Variants in CDH13 observed in about 807,000 individuals in gnomAD.
CDH13 encodes the protein cadherin-13.
A neutral mutation model predicts 63.8 loss-of-function variants in CDH13; 24 were observed. The ratio of observed to expected loss-of-function variants is 0.38; its 90% confidence interval spans 0.27 to 0.53. CDH13 has a LOEUF of 0.53. Ranked by LOEUF, CDH13 falls within the 20% of genes least tolerant of loss-of-function variation. CDH13 has a pLI of 0.85. For synonymous variants in CDH13, 503 were observed against 355.3 expected, an observed-to-expected ratio of 1.42 and a Z score of -4.67; for missense variants, 1,049 against 903.1, an observed-to-expected ratio of 1.16 and a Z score of -2.07.
intron 6 of CDH13, among the ~76,000 whole-genome samples, chr16:83,464,178 G>A (rs1398039270): frequency 2.0e-5 from 3 of 152,024 alleles, no homozygotes; most frequent in Non-Finnish European, 2.9e-5. Flanking sequence ...GGTTCAGGCA[G>A]TCTCTTGAGT....
intron 5 of CDH13, among the ~76,000 whole-genome samples, chr16:83,256,557 C>T (rs952590936): frequency 1.3e-4 from 20 of 151,578 alleles, no homozygotes; most frequent in Admixed American, 6.6e-5. Flanking sequence ...AGTGGCCAGG[C>T]ACGGTGGCTC....
chr16:83,236,173 T>G (rs1296882185), intron 5 of CDH13, among the ~76,000 whole-genome samples: 2 of 151,926 alleles, frequency 1.3e-5, no homozygotes, highest in Non-Finnish European at 2.9e-5. Context: ...ATAGAATAAC[T>G]TTTCCAAACT....
chr16:83,112,726 A>G (rs1364974019), intron 3 of CDH13, among the ~76,000 whole-genome samples: 2 of 152,246 alleles, frequency 1.3e-5, no homozygotes, highest in African/African-American at 4.8e-5. Context: ...TTTAAAGGCT[A>G]TCAAACATAG....
chr16:83,030,640 TAAAAAA>T (rs35207887), intron 2 of CDH13, among the ~76,000 whole-genome samples: 1 of 92,916 alleles, frequency 1.1e-5, no homozygotes, highest in Non-Finnish European at 2.0e-5. Context: ...AAGACTCTGT[TAAAAAA>T]AAAAAAAAAA....
intron 2 of CDH13, among the ~76,000 whole-genome samples, chr16:82,868,785 A>G (rs996751941): frequency 6.6e-6 from 1 of 152,196 alleles, no homozygotes; most frequent in African/African-American, 2.4e-5. Context: ...TTAGAATTTC[A>G]CCTTTAGAAA....
At chr16:83,526,033 G>A (rs183835403) in intron 7 of CDH13, among the ~76,000 whole-genome samples, 2 of 152,280 alleles carry the variant, frequency 1.3e-5, no homozygotes, top group Non-Finnish European at 2.9e-5. Flanking sequence ...CTTCTGATCT[G>A]CAGAACTATA....
intron 4 of CDH13, among the ~76,000 whole-genome samples, chr16:83,204,527 A>C (rs16959769): frequency 0.028 from 4,232 of 152,166 alleles, 89 homozygotes; most frequent in Middle Eastern, 0.061. Flanking sequence ...GAGCCTTTCC[A>C]TTATTTTCCA....
intron 10 of CDH13, among the ~76,000 whole-genome samples, chr16:83,733,299 C>G (rs1911217330): frequency 1.3e-5 from 2 of 152,354 alleles, no homozygotes; most frequent in Middle Eastern, 3.4e-3. Context: ...TGAGCGCACA[C>G]TGGACTCGTG....
intron 6 of CDH13, among the ~76,000 whole-genome samples, chr16:83,457,336 A>T (rs566546697): frequency 4.6e-5 from 7 of 152,266 alleles, no homozygotes; most frequent in African/African-American, 1.7e-4. Flanking sequence ...GTTAGTATTG[A>T]TCACCATGGT....
Position 82,842,150 on chromosome 16 carries a change from A to G in CDH13, c.46-16212A>G, listed in dbSNP as rs28690252. 2.2e-3 allele frequency among the ~76,000 whole-genome samples: 76 copies of G among 34,830 alleles called. 2 individuals carry two copies. Among genetic ancestry groups the G allele is most frequent in the Middle Eastern group, 0.014 (1 of 70 alleles). The allele number at this position is 34,830 out of a possible 152,430, so 22.8% of individuals were successfully genotyped here. On this transcript the variant is annotated intron_variant, in intron 1 of 13. Coordinates refer to ENST00000567109, the MANE Select transcript of CDH13 (RefSeq NM_001257.5). ...TATATATATATATACACATATATAT[A>G]TATATATATATATACACACACACAC...
intron 6 of CDH13, among the ~76,000 whole-genome samples, chr16:83,431,318 C>T (rs533365034): frequency 3.3e-5 from 5 of 151,862 alleles, no homozygotes; most frequent in South Asian, 2.1e-4. Flanking sequence ...TAGTTGGCTG[C>T]GTTGAGGAGA....
chr16:83,059,799 T>TG (rs1340166140), intron 3 of CDH13, among the ~76,000 whole-genome samples: 19 of 146,884 alleles, frequency 1.3e-4, no homozygotes, highest in African/African-American at 2.8e-4. Context: ...GTTTGTTTTT[T>TG]TTTTTTTTTT....
At chr16:83,559,966 A>T (rs993410675) in intron 7 of CDH13, among the ~76,000 whole-genome samples, 2 of 152,210 alleles carry the variant, frequency 1.3e-5, no homozygotes, top group African/African-American at 4.8e-5. Flanking sequence ...TATTCACACG[A>T]TGGAGGCCTC....
Position 82,890,852 on chromosome 16 carries a change from G to A in CDH13, c.157+32379G>A, listed in dbSNP as rs144823298. On this transcript the variant is annotated intron_variant, in intron 2 of 13. Transcript: ENST00000567109. ...TCTTTAGTGGAGACAGCATTTTACC[G>A]TGTTGGCCAGGCTGGTCTTGAACTC... Among the ~76,000 whole-genome samples, 649 of 151,840 alleles carry A rather than the reference G, an allele frequency of 4.3e-3. 4 individuals are homozygous for A. The highest frequency in any genetic ancestry group is 5.3e-3 in the Non-Finnish European group (361 of 67,904).
intron 8 of CDH13, among the ~76,000 whole-genome samples, chr16:83,615,574 A>G (rs1268850630): frequency 6.6e-6 from 1 of 152,150 alleles, no homozygotes; most frequent in Non-Finnish European, 1.5e-5. Flanking sequence ...CTGAGGTTTT[A>G]AATCAACCCA....
chr16:83,257,368 A>G (rs981551592), intron 5 of CDH13, among the ~76,000 whole-genome samples: 1 of 152,194 alleles, frequency 6.6e-6, no homozygotes, highest in African/African-American at 2.4e-5. Context: ...AATTTATATA[A>G]GGAGTATTCA....
At chr16:83,158,259 T>G (rs2037298845) in intron 4 of CDH13, among the ~76,000 whole-genome samples, 1 of 152,188 alleles carries the variant, frequency 6.6e-6, no homozygotes, top group Admixed American at 6.5e-5. Context: ...GTTCTTCGCT[T>G]TCTCCTTCAA....
intron 7 of CDH13, among the ~76,000 whole-genome samples, chr16:83,544,226 ATGTCAT>A: frequency 6.6e-6 from 1 of 152,286 alleles, no homozygotes; most frequent in African/African-American, 2.4e-5. Flanking sequence ...AGTTCACCCA[ATGTCAT>A]ATAGGGTGGA....
intron 8 of CDH13, 100 bp downstream of exon 8, chr16:83,602,694 A>T: frequency 8.7e-7 from 1 of 1,152,880 alleles, no homozygotes; most frequent in Non-Finnish European, 1.3e-6. Flanking sequence ...CCCCCCTTTC[A>T]AAATCAAAAT....
Sources: allele counts gnomAD v4.1 joint callset (sites outside exome capture counted in the v4.1 genomes callset), GRCh38; gene constraint gnomAD v4.1.1; transcripts MANE v1.5; gene names NCBI Gene and HGNC (gene_info 2026-07-23, HGNC 2026-07-21).